The following GRIK4 variants were observed in gnomAD, a reference collection of about 807,000 sequenced individuals.
GRIK4 encodes glutamate receptor ionotropic, kainate 4.
A neutral mutation model predicts 104.9 loss-of-function variants in GRIK4; 40 were observed. That is an observed-to-expected ratio of 0.38 (90% confidence interval 0.30 to 0.50). The LOEUF is 0.50. Ranked by LOEUF, GRIK4 falls within the 20% of genes least tolerant of loss-of-function variation. The pLI is 0.93. For synonymous variants in GRIK4, 485 were observed against 524.9 expected, an observed-to-expected ratio of 0.92 and a Z score of 1.04; for missense variants, 1,047 against 1,308.1, an observed-to-expected ratio of 0.80 and a Z score of 3.08.
chr11:120,948,415 A>C (rs1447102885), intron 14 of GRIK4, among the ~76,000 whole-genome samples: 1 of 152,050 alleles, frequency 6.6e-6, no homozygotes, highest in Non-Finnish European at 1.5e-5. Context: ...CCTAACACAG[A>C]TCCAAGAGAA....
chr11:120,833,237 A>T (rs1953480864), intron 7 of GRIK4, among the ~76,000 whole-genome samples: 1 of 152,072 alleles, frequency 6.6e-6, no homozygotes, highest in Non-Finnish European at 1.5e-5. Context: ...CTGTGTGCGT[A>T]TACCCAACTC....
chr11:120,681,406 C>T (rs73584534), intron 3 of GRIK4, among the ~76,000 whole-genome samples: 2,133 of 152,300 alleles, frequency 0.014, 49 homozygotes, highest in African/African-American at 0.048. Flanking sequence ...TGTTCCTGTG[C>T]GGTTCCTCTC....
At chr11:120,656,297 C>G (rs1949708995) in intron 2 of GRIK4, among the ~76,000 whole-genome samples, 2 of 152,226 alleles carry the variant, frequency 1.3e-5, no homozygotes, top group African/African-American at 4.8e-5. Context: ...AGCCTTGGCT[C>G]TACCTCCAGA....
At chr11:120,760,919 G>T (rs771487973) in intron 3 of GRIK4, among the ~76,000 whole-genome samples, 2 of 152,026 alleles carry the variant, frequency 1.3e-5, no homozygotes, top group Non-Finnish European at 2.9e-5. Flanking sequence ...ATGTGTGCAC[G>T]TATCTTTAGA....
intron 1 of GRIK4, among the ~76,000 whole-genome samples, chr11:120,574,095 G>C (rs1565555544): frequency 6.6e-6 from 1 of 152,194 alleles, no homozygotes; most frequent in Non-Finnish European, 1.5e-5. Context: ...TTTGTTGTGT[G>C]TCTCTCTCCA....
chr11:120,727,813 C>A (rs1591839666), intron 3 of GRIK4, among the ~76,000 whole-genome samples: 1 of 151,648 alleles, frequency 6.6e-6, no homozygotes, highest in Non-Finnish European at 1.5e-5. Flanking sequence ...GCACAAGAAC[C>A]AATAAACACT....
intron 3 of GRIK4, among the ~76,000 whole-genome samples, chr11:120,671,548 A>T (rs1236891932): frequency 6.6e-6 from 1 of 152,120 alleles, no homozygotes; most frequent in Non-Finnish European, 1.5e-5. Context: ...GTCTGTTCAT[A>T]TCCTTTGCCC....
At chr11:120,658,092 T>C (rs927430362) in intron 2 of GRIK4, among the ~76,000 whole-genome samples, 5 of 152,224 alleles carry the variant, frequency 3.3e-5, no homozygotes, top group African/African-American at 9.6e-5. Flanking sequence ...TCTTTTGTAA[T>C]CTTTTTACAC....
Position 120,986,432 on chromosome 11 carries a change from C to T in GRIK4, c.*172C>T, listed in dbSNP as rs1944755684. 1.1e-6 allele frequency: 1 copy of T among 937,196 alleles called. No homozygotes were observed. Among genetic ancestry groups the T allele is most frequent in the Non-Finnish European group, 1.5e-6 (1 of 672,086 alleles). The allele number at this position is 937,196 out of a possible 1,614,324, so 58.1% of individuals were successfully genotyped here. A position where few individuals can be genotyped will look rare whatever the true frequency, so the allele number is the denominator to read the frequency against. On this transcript the variant is annotated 3_prime_UTR_variant, in exon 21 of 21. Coordinates refer to ENST00000527524, the MANE Select transcript of GRIK4 (RefSeq NM_014619.5). The stretch of plus-strand genomic sequence containing the variant: ...AGCCTGACGCCCCAGCCAGAGACCG[C>T]GCCCGGTCAGGGAGCAGGGTCCACC...
At chr11:120,557,754 C>A (rs558990699) in intron 1 of GRIK4, among the ~76,000 whole-genome samples, 2 of 152,158 alleles carry the variant, frequency 1.3e-5, no homozygotes, top group Non-Finnish European at 2.9e-5. Flanking sequence ...CGGTGGCTCA[C>A]GCCTGTAATC....
At chr11:120,868,539 G>GC (rs1487331384) in intron 9 of GRIK4, 6 of 152,050 alleles carry the variant, frequency 3.9e-5, no homozygotes, top group African/African-American at 1.5e-4. Flanking sequence ...ATGGGGGGGG[G>GC]GGCGGTGCCT....
chr11:120,752,118 C>A (rs745674940), intron 3 of GRIK4, among the ~76,000 whole-genome samples: 3 of 152,200 alleles, frequency 2.0e-5, no homozygotes, highest in Non-Finnish European at 1.5e-5. Context: ...CCTCCCACAA[C>A]CTGTGAAGAA....
intron 1 of GRIK4, among the ~76,000 whole-genome samples, chr11:120,560,561 C>G (rs369672051): frequency 6.6e-6 from 1 of 152,138 alleles, no homozygotes; most frequent in Non-Finnish European, 1.5e-5. Flanking sequence ...ATATACAAGT[C>G]TGGGAAGAAA....
At chr11:120,520,835 C>G (rs897887652) in intron 1 of GRIK4, among the ~76,000 whole-genome samples, 1 of 152,198 alleles carries the variant, frequency 6.6e-6, no homozygotes, top group Non-Finnish European at 1.5e-5. Context: ...AGCATCTCCC[C>G]TAGCCTAGTT....
chr11:120,642,008 G>A (rs60148215), intron 1 of GRIK4, among the ~76,000 whole-genome samples: 2,240 of 152,196 alleles, frequency 0.015, 66 homozygotes, highest in African/African-American at 0.051. Flanking sequence ...GCTCTGTTCC[G>A]GTGTTCCCAT....
chr11:120,852,046 A>G (rs1953986046), intron 8 of GRIK4, among the ~76,000 whole-genome samples: 1 of 152,228 alleles, frequency 6.6e-6, no homozygotes, highest in African/African-American at 2.4e-5. Context: ...GAAGGAAGCA[A>G]GCCTGCAGAA....
intron 19 of GRIK4, among the ~76,000 whole-genome samples, chr11:120,979,334 T>C (rs1233598948): frequency 1.3e-5 from 2 of 152,260 alleles, no homozygotes; most frequent in African/African-American, 2.4e-5. Flanking sequence ...TTTGTATGTA[T>C]GTGCAATGAT....
At chr11:120,737,202 G>A (rs1015071712) in intron 3 of GRIK4, among the ~76,000 whole-genome samples, 1 of 152,122 alleles carries the variant, frequency 6.6e-6, no homozygotes, top group South Asian at 2.1e-4. Context: ...CAGGAAATGA[G>A]CACTTTTCTT....
Position 120,819,771 on chromosome 11 carries a change from T to C in GRIK4, c.362T>C (p.Val121Ala), listed in dbSNP as rs1437140644. 1 of 1,614,168 alleles carries C rather than the reference T, an allele frequency of 6.2e-7. No individual in the cohort carries two copies. The highest frequency in any genetic ancestry group is 2.2e-5 in the East Asian group (1 of 44,880). ...TCTTGCCAGGTCCCTCACTTCAAAG[T>C]GGCCCCAGAGGAGTTCGTCAAGTTC... Reference protein sequence around the residue: ...CGEKEVPHFKVAPEEFVKFQF... With the variant: ...CGEKEVPHFKAAPEEFVKFQF... The change falls in exon 6 of 21, where the codon GTG (valine) becomes GCG (alanine). Residue 121 changes from valine to alanine, a missense_variant. Val to Ala is a moderately conservative substitution (Grantham distance 64). Transcript: ENST00000527524. This position sits in a 1 kb window ranked among gnomAD's most constrained non-coding sequence, Gnocchi z 4.3.
Sources: gnomAD v4.1 joint callset for allele counts (sites outside exome capture counted in the v4.1 genomes callset) on GRCh38, gnomAD v4.1.1 for gene constraint, Gnocchi (gnomAD v3.1) non-coding constraint, MANE v1.5 for transcripts, NCBI Gene and HGNC (gene_info 2026-07-23, HGNC 2026-07-21) for gene names.